Variants in FURIN observed in about 807,000 individuals in gnomAD.
FURIN encodes the protein FES upstream region.
Under a neutral mutation model 89.2 loss-of-function variants are expected in FURIN, and 18 were observed. The observed-to-expected ratio is 0.20, with a 90% CI of 0.14 to 0.30. The LOEUF is 0.30. Ranked by LOEUF, FURIN falls within the 10% of genes least tolerant of loss-of-function variation. The probability of loss-of-function intolerance (pLI) is 1.00; values close to 1 mark genes in which losing one functional copy is unlikely to be tolerated. For synonymous variants in FURIN, 508 were observed against 466.4 expected, an observed-to-expected ratio of 1.09 and a Z score of -1.15; for missense variants, 879 against 1,100.5, an observed-to-expected ratio of 0.80 and a Z score of 2.85.
intron 1 of FURIN, chr15:90,872,934 G>C (rs751053360): frequency 6.6e-6 from 1 of 152,396 alleles, no homozygotes; most frequent in Non-Finnish European, 1.5e-5. Context: ...GTGGCTCTCT[G>C]TGTCAGGAGG....
Position 90,876,948 on chromosome 15 carries a change from A to G in FURIN, c.425A>G (p.Tyr142Cys), listed in dbSNP as rs1167998217. The part of the protein sequence containing the change: ...LNVKAAWAQG[Y>C]TGHGIVVSIL... ...GTGAAGGCGGCCTGGGCGCAGGGCT[A>G]CACAGGGCACGGCATTGTGGTCTCC... The change falls in exon 5 of 16, where the codon TAC becomes TGC. Residue 142 changes from tyrosine to cysteine, a missense_variant. Around this residue, in one of 5 missense-constraint regions of FURIN, gnomAD observed 139 missense variants for 215.0 expected, o/e 0.65. Coordinates refer to ENST00000268171, the MANE Select transcript of FURIN (RefSeq NM_002569.4). The surrounding 1 kb of genome is among the most constrained non-coding windows in gnomAD (Gnocchi z 5.0). 1.5e-5 allele frequency: 25 copies of G among 1,613,952 alleles called. No homozygotes were observed. The highest frequency in any genetic ancestry group is 2.2e-5 in the South Asian group (2 of 91,090).
chr15:90,871,499 CTGGGAACG>C, intron 1 of FURIN: 2 of 1,664 alleles, frequency 1.2e-3, no homozygotes, highest in Admixed American at 0.021. Flanking sequence ...GCCCACGGCG[CTGGGAACG>C]CGGGCCCGCA....
Position 90,881,621 on chromosome 15 carries a change from C to T in FURIN, c.2128C>T (p.Pro710Ser), listed in dbSNP as rs761630946. 1.7e-5 allele frequency: 27 copies of T among 1,597,144 alleles called. No homozygotes were observed. The highest frequency in any genetic ancestry group is 2.2e-5 in the Non-Finnish European group (26 of 1,169,738). ...GCAACGGCTGCGGGCAGGGCTGCTG[C>T]CCTCACACCTGCCTGAGGTGGTGGC... ...AGQRLRAGLL[P>S]SHLPEVVAGL... The change falls in exon 16 of 16, where the codon CCC becomes TCC. Residue 710 changes from proline to serine, a missense_variant. Pro to Ser is a moderately conservative substitution (Grantham distance 74). This residue lies in a region of FURIN where 457 missense variants were observed against 490.7 expected (regional missense o/e 0.93). Transcript: ENST00000268171. The surrounding 1 kb of genome is among the most constrained non-coding windows in gnomAD (Gnocchi z 4.3).
chr15:90,877,059 C>G (rs370262404), intron 5 of FURIN, 35 bp downstream of exon 5: 7 of 1,613,336 alleles, frequency 4.3e-6, no homozygotes, highest in African/African-American at 4.0e-5. Flanking sequence ...GTGATCCCTG[C>G]TGAGGTGTGT....
rs1446499797 is a variant in FURIN, at chr15:90,876,148, C to T, written c.178-107C>T. On this transcript the variant is annotated intron_variant, in intron 2 of 15. Transcript: ENST00000268171. The surrounding 1 kb of genome is among the most constrained non-coding windows in gnomAD (Gnocchi z 5.0). Reference sequence around the variant, plus strand: ...CCGGACAGGGAGCAGATGCCCCGCACCCCCGACCGTGGCGAGCCTCCCATG... The same window carrying T: ...CCGGACAGGGAGCAGATGCCCCGCATCCCCGACCGTGGCGAGCCTCCCATG... 7 of 854,456 alleles carry T rather than the reference C, an allele frequency of 8.2e-6. No homozygotes were observed. The highest frequency in any genetic ancestry group is 1.8e-5 in the Admixed American group (1 of 56,688). 52.9% of individuals were successfully genotyped at this position (854,456 alleles called of 1,614,324 possible).
Position 90,880,943 on chromosome 15 carries a change from G to A in FURIN, c.1695G>A (p.Lys565=), listed in dbSNP as rs2031927950. The change falls in exon 15 of 16, where the codon AAG becomes AAA. Residue 565 remains lysine (K), a synonymous_variant. Coordinates refer to ENST00000268171, the MANE Select transcript of FURIN (RefSeq NM_002569.4). ...SEANNYGTLT[K]FTLVLYGTAP... is the part of the protein sequence containing the mutation. ...GCTCTGGAACAGGGACGCTGACCAA[G>A]TTCACCCTCGTACTCTATGGCACCG... is the stretch of plus-strand genomic sequence containing the variant. The A allele has an allele frequency of 1.2e-6, 2 of 1,614,066 alleles. No homozygotes were observed. Among genetic ancestry groups the A allele is most frequent in the South Asian group, 1.1e-5 (1 of 91,086 alleles).
rs1236689397 is a variant in FURIN at position 90,881,339 on chromosome 15, C to T, written c.1846C>T (p.Pro616Ser). ...GAAGAGCTGTGTCCAGCACTGCCCT[C>T]CAGGGTTCGCCCCCCAAGTCCTCGA... is the stretch of plus-strand genomic sequence containing the variant. Reference protein sequence around the residue: ...HQKSCVQHCPPGFAPQVLDTH... With the variant: ...HQKSCVQHCPSGFAPQVLDTH... Residue 616 changes from proline (P) to serine (S), a missense_variant, in exon 16 of 16, where the codon CCA becomes TCA. Coordinates refer to ENST00000268171, the MANE Select transcript of FURIN (RefSeq NM_002569.4). The surrounding 1 kb of genome is among the most constrained non-coding windows in gnomAD (Gnocchi z 4.3). 5 of 1,612,978 alleles carry T rather than the reference C, an allele frequency of 3.1e-6. No individual in the cohort carries two copies. The highest frequency in any genetic ancestry group is 3.3e-5 in the Admixed American group (2 of 59,986).
chr15:90,872,021 G>A (rs1225777586), intron 1 of FURIN, among the ~76,000 whole-genome samples: 1 of 151,334 alleles, frequency 6.6e-6, no homozygotes, highest in Non-Finnish European at 1.5e-5. Context: ...TTCCGCAGGC[G>A]CCGGGTGCTC....
At chr15:90,877,640 GTCTT>G in intron 7 of FURIN, 25 bp downstream of exon 7, 1 of 1,475,898 alleles carries the variant, frequency 6.8e-7, no homozygotes, top group Non-Finnish European at 9.2e-7. Context: ...GGGCCACCCT[GTCTT>G]CAGGAGGGCC....
chr15:90,875,032 T>A (rs1448752225), intron 1 of FURIN, among the ~76,000 whole-genome samples: 2 of 128,156 alleles, frequency 1.6e-5, no homozygotes, highest in African/African-American at 8.4e-5. Context: ...TGTTACACTT[T>A]TTTTTTTTTT....
intron 13 of FURIN, 93 bp from the exon 14 acceptor site, chr15:90,880,598 G>A: frequency 2.8e-6 from 4 of 1,412,198 alleles, no homozygotes; most frequent in Non-Finnish European, 3.9e-6. Flanking sequence ...GGTCTGCGTG[G>A]GGGAAGGGTG....
At position 90,876,195 on chromosome 15, in the gene FURIN, C is replaced by G; in HGVS notation, c.178-60C>G. 2 of 1,136,806 alleles carry G rather than the reference C, an allele frequency of 1.8e-6. No homozygotes were observed. Among genetic ancestry groups the G allele is most frequent in the Non-Finnish European group, 2.6e-6 (2 of 778,202 alleles). 70.4% of individuals were successfully genotyped at this position (1,136,806 alleles called of 1,614,324 possible). Reference sequence around the variant, plus strand: ...CATGAAGCCGTTGTCCACCCCCGTCCCCCGCCTCCCGGGGACTGACAGATG... The same window carrying G: ...CATGAAGCCGTTGTCCACCCCCGTCGCCCGCCTCCCGGGGACTGACAGATG... On this transcript the variant is annotated intron_variant, in intron 2 of 15. Coordinates refer to ENST00000268171, the MANE Select transcript of FURIN (RefSeq NM_002569.4). This position sits in a 1 kb window ranked among gnomAD's most constrained non-coding sequence, Gnocchi z 5.0.
intron 1 of FURIN, among the ~76,000 whole-genome samples, chr15:90,870,993 C>G (rs1272065254): frequency 6.6e-6 from 1 of 152,208 alleles, no homozygotes; most frequent in East Asian, 1.9e-4. Context: ...AGGAGGTGGG[C>G]TACTTCTGCT....
rs773170091 is a variant in FURIN at position 90,879,560 on chromosome 15, C to A, written c.1154+16C>A. On this transcript the variant is annotated intron_variant, in intron 10 of 15. Coordinates refer to ENST00000268171, the MANE Select transcript of FURIN (RefSeq NM_002569.4). ...TGGAGGCCAAGTAAGTGGGTGGGGGCCAGCGGCAACCCTGTCCCTACCAGC... is the reference window on the plus strand; with the variant it reads ...TGGAGGCCAAGTAAGTGGGTGGGGGACAGCGGCAACCCTGTCCCTACCAGC... The A allele has an allele frequency of 6.3e-7, 1 of 1,577,362 alleles. No homozygotes were observed. Among genetic ancestry groups the A allele is most frequent in the Non-Finnish European group, 8.7e-7 (1 of 1,146,784 alleles).
Position 90,880,101 on chromosome 15 carries a change from G to T in FURIN, c.1384G>T (p.Gly462Trp). The change falls in exon 13 of 16, where the codon GGG becomes TGG. Residue 462 changes from glycine (G) to tryptophan (W), a missense_variant. Gly to Trp is a radical substitution (Grantham distance 184). Coordinates refer to ENST00000268171, the MANE Select transcript of FURIN (RefSeq NM_002569.4). ...TGGTGCTCTCCTGCACAGAGACATC[G>T]GGAAACGGCTCGAGGTGCGGAAGAC... Reference protein sequence around the residue: ...IDILTEPKDIGKRLEVRKTVT... With the variant: ...IDILTEPKDIWKRLEVRKTVT... 6.2e-7 allele frequency: 1 copy of T among 1,604,702 alleles called. No homozygotes were observed. The highest frequency in any genetic ancestry group is 8.5e-7 in the Non-Finnish European group (1 of 1,173,948).
Position 90,879,558 on chromosome 15 carries a change from G to A in FURIN, c.1154+14G>A, listed in dbSNP as rs2031822218. 1 of 1,590,370 alleles carries A rather than the reference G, an allele frequency of 6.3e-7. No individual in the cohort carries two copies. Among genetic ancestry groups the A allele is most frequent in the Non-Finnish European group, 8.6e-7 (1 of 1,158,566 alleles). On this transcript the variant is annotated intron_variant, in intron 10 of 15. Transcript: ENST00000268171. ...CCTGGAGGCCAAGTAAGTGGGTGGG[G>A]GCCAGCGGCAACCCTGTCCCTACCA...
chr15:90,882,836 T>G lies in FURIN; in HGVS notation c.*958T>G, dbSNP rs2151231350. On this transcript the variant is annotated 3_prime_UTR_variant, in exon 16 of 16. Coordinates refer to ENST00000268171, the MANE Select transcript of FURIN (RefSeq NM_002569.4). ...GGGGTAGCAGCTGGACTACCCACGT[T>G]CTCACACCCACCGTCCGCCCTGCTC... 1 of 152,790 alleles carries G rather than the reference T, an allele frequency of 6.5e-6. No individual in the cohort carries two copies. The highest frequency in any genetic ancestry group is 2.1e-4 in the South Asian group (1 of 4,832). 9.5% of individuals were successfully genotyped at this position (152,790 alleles called of 1,614,324 possible).
intron 8 of FURIN, 58 bp downstream of exon 8, chr15:90,878,362 A>G (rs1050346911): frequency 5.1e-6 from 7 of 1,376,526 alleles, no homozygotes; most frequent in African/African-American, 2.9e-5. Flanking sequence ...TTCCGTACCT[A>G]TCTTGTGTTT....
In FURIN at chr15:90,881,248, T is replaced by A. The variant is rs375387281; in HGVS notation, c.1793-38T>A. ...TGTGGTCCTGGGGCTACAGTCTGTTTAGCTGACACACACTTGCCCTCTCTC... is the reference window on the plus strand; with the variant it reads ...TGTGGTCCTGGGGCTACAGTCTGTTAAGCTGACACACACTTGCCCTCTCTC... On this transcript the variant is annotated intron_variant, in intron 15 of 15. Coordinates refer to ENST00000268171, the MANE Select transcript of FURIN (RefSeq NM_002569.4). The surrounding 1 kb of genome is among the most constrained non-coding windows in gnomAD (Gnocchi z 4.3). The A allele has an allele frequency of 1.7e-5, 25 of 1,484,120 alleles. No homozygotes were observed. The East Asian group carries it at 2.0e-4, about 12-fold the overall frequency. The allele number at this position is 1,484,120 out of a possible 1,614,324, so 91.9% of individuals were successfully genotyped here.
Sources: gnomAD v4.1 joint callset for allele counts (sites outside exome capture counted in the v4.1 genomes callset) on GRCh38, gnomAD v4.1.1 for gene constraint, gnomAD v4.1.1 regional missense constraint, Gnocchi (gnomAD v3.1) non-coding constraint, MANE v1.5 for transcripts, NCBI Gene and HGNC (gene_info 2026-07-23, HGNC 2026-07-21) for gene names.